The following DPP10 variants were observed in gnomAD, a reference collection of about 807,000 sequenced individuals.
DPP10 encodes inactive dipeptidyl peptidase 10.
DPP10 carries 33 observed loss-of-function variants against 120.9 expected under a neutral mutation model. The observed-to-expected ratio is 0.27, with a 90% confidence interval of 0.21 to 0.37. The LOEUF is 0.37. DPP10 is among the 10% of genes least tolerant of loss of function. The probability of loss-of-function intolerance (pLI) is 1.00; values close to 1 mark genes in which losing one functional copy is unlikely to be tolerated. For synonymous variants in DPP10, 337 were observed against 326.1 expected, an observed-to-expected ratio of 1.03 and a Z score of -0.36; for missense variants, 816 against 942.8, an observed-to-expected ratio of 0.87 and a Z score of 1.76.
At position 115,820,794 on chromosome 2, in the gene DPP10, GGTGTATGTGTGTGT is replaced by G. The variant is rs1231847440; in HGVS notation, c.1950+5070_1950+5083del. On this transcript the variant is annotated intron_variant, in intron 21 of 25. Coordinates refer to ENST00000410059, the MANE Select transcript of DPP10 (RefSeq NM_020868.6). ...TTTTTATGGCTGAGTAGTATTCCAT[GGTGTATGTGTGTGT>G]GTGTGTGTGTGTGTGTGTGTGTGTG... Among the ~76,000 whole-genome samples, 421 of 112,578 alleles carry G rather than the reference GGTGTATGTGTGTGT, an allele frequency of 3.7e-3. 3 individuals are homozygous for G. Among genetic ancestry groups the G allele is most frequent in the African/African-American group, 9.7e-3 (327 of 33,714 alleles). The allele number at this position is 112,578 out of a possible 152,430, so 73.9% of individuals were successfully genotyped here.
chr2:114,529,619 C>T (rs184777760), intron 1 of DPP10, among the ~76,000 whole-genome samples: 1 of 152,268 alleles, frequency 6.6e-6, no homozygotes, highest in African/African-American at 2.4e-5. Flanking sequence ...AAATTCTCTG[C>T]TCCTTTCTTG....
intron 1 of DPP10, among the ~76,000 whole-genome samples, chr2:114,474,319 TAAAA>T (rs759167282): frequency 6.6e-6 from 1 of 152,174 alleles, no homozygotes; most frequent in Non-Finnish European, 1.5e-5. Context: ...ACAACCAAAA[TAAAA>T]AAGAATGAGG....
intron 1 of DPP10, among the ~76,000 whole-genome samples, chr2:114,688,172 A>G (rs1202881105): frequency 6.6e-6 from 1 of 151,984 alleles, no homozygotes; most frequent in Non-Finnish European, 1.5e-5. Context: ...TTGATCTAGC[A>G]TATAAAAACT....
intron 3 of DPP10, among the ~76,000 whole-genome samples, chr2:115,354,720 G>A (rs1574532175): frequency 6.6e-6 from 1 of 151,618 alleles, no homozygotes; most frequent in Admixed American, 6.6e-5. Context: ...CCAACAATAG[G>A]CCCTGGTGTG....
At chr2:115,049,883 G>GA (rs1705342995) in intron 1 of DPP10, among the ~76,000 whole-genome samples, 1 of 152,114 alleles carries the variant, frequency 6.6e-6, no homozygotes, top group African/African-American at 2.4e-5. Flanking sequence ...AGGCTAGGGA[G>GA]AAAATGAGAC....
At chr2:115,483,885 C>G (rs145594655) in intron 3 of DPP10, among the ~76,000 whole-genome samples, 2 of 152,030 alleles carry the variant, frequency 1.3e-5, no homozygotes, top group Admixed American at 1.3e-4. Flanking sequence ...GATCTGCTGC[C>G]AACATGTTTT....
intron 1 of DPP10, among the ~76,000 whole-genome samples, chr2:114,703,300 A>G (rs1192339676): frequency 6.6e-6 from 1 of 152,202 alleles, no homozygotes; most frequent in African/African-American, 2.4e-5. Flanking sequence ...TTTTATTTAC[A>G]GGAGAAACAA....
At chr2:115,504,820 CAG>C (rs1553434152) in intron 4 of DPP10, among the ~76,000 whole-genome samples, 4 of 152,026 alleles carry the variant, frequency 2.6e-5, no homozygotes, top group Non-Finnish European at 4.4e-5. Flanking sequence ...GTCATTAAAA[CAG>C]GGAAATTAGA....
intron 1 of DPP10, among the ~76,000 whole-genome samples, chr2:114,970,799 C>T (rs1699341376): frequency 6.6e-6 from 1 of 152,012 alleles, no homozygotes; most frequent in Admixed American, 6.6e-5. Context: ...AACTGAATCC[C>T]CAATGCTCAA....
At chr2:114,932,102 A>G (rs892746315) in intron 1 of DPP10, among the ~76,000 whole-genome samples, 3 of 152,196 alleles carry the variant, frequency 2.0e-5, no homozygotes, top group Non-Finnish European at 1.5e-5. Context: ...GTCCCCAGAA[A>G]AGCAGCATCT....
chr2:115,401,172 C>T (rs1201815790), intron 3 of DPP10, among the ~76,000 whole-genome samples: 1 of 152,180 alleles, frequency 6.6e-6, no homozygotes, highest in Non-Finnish European at 1.5e-5. Flanking sequence ...GGACTCACTT[C>T]AACTTTAAGT....
At chr2:115,049,136 G>C (rs2105335590) in intron 1 of DPP10, among the ~76,000 whole-genome samples, 1 of 152,042 alleles carries the variant, frequency 6.6e-6, no homozygotes, top group African/African-American at 2.4e-5. Flanking sequence ...AATTTATAGA[G>C]CACTGGTACA....
At chr2:114,671,620 T>C (rs551099151) in intron 1 of DPP10, among the ~76,000 whole-genome samples, 20 of 152,224 alleles carry the variant, frequency 1.3e-4, no homozygotes, top group African/African-American at 3.9e-4. Flanking sequence ...AAGCATCCAC[T>C]GGGGGTCTTG....
intron 3 of DPP10, among the ~76,000 whole-genome samples, chr2:115,489,979 T>G (rs1473522214): frequency 6.6e-6 from 1 of 152,192 alleles, no homozygotes; most frequent in Non-Finnish European, 1.5e-5. Flanking sequence ...TTATTTCTTC[T>G]GACTTCAAAT....
chr2:114,524,726 C>T (rs959760751), intron 1 of DPP10, among the ~76,000 whole-genome samples: 1 of 152,108 alleles, frequency 6.6e-6, no homozygotes, highest in Non-Finnish European at 1.5e-5. Context: ...AATGACTGTC[C>T]AGGCATGCTA....
intron 1 of DPP10, among the ~76,000 whole-genome samples, chr2:115,184,691 C>T (rs2105173208): frequency 6.6e-6 from 1 of 152,294 alleles, no homozygotes; most frequent in South Asian, 2.1e-4. Flanking sequence ...TATCTCTTTG[C>T]CCAATACACC....
At chr2:115,006,367 C>A (rs560221341) in intron 1 of DPP10, among the ~76,000 whole-genome samples, 2,066 of 151,666 alleles carry the variant, frequency 0.014, 47 homozygotes, top group African/African-American at 0.045. Flanking sequence ...ACACATAACA[C>A]TATTAACTTT....
chr2:114,767,077 A>G (rs1198940992), intron 1 of DPP10, among the ~76,000 whole-genome samples: 1 of 147,812 alleles, frequency 6.8e-6, no homozygotes, highest in African/African-American at 2.5e-5. Context: ...GCAACTTCCC[A>G]TGGATCTAAA....
chr2:114,671,623 G>A (rs1698347901), intron 1 of DPP10, among the ~76,000 whole-genome samples: 1 of 152,024 alleles, frequency 6.6e-6, no homozygotes, highest in Non-Finnish European at 1.5e-5. Context: ...CATCCACTGG[G>A]GGTCTTGGAA....
Sources: gnomAD v4.1 joint callset for allele counts (sites outside exome capture counted in the v4.1 genomes callset) on GRCh38, gnomAD v4.1.1 for gene constraint, MANE v1.5 for transcripts, NCBI Gene and HGNC (gene_info 2026-07-23, HGNC 2026-07-21) for gene names.